The following CSMD1 variants were observed in gnomAD, a reference collection of about 807,000 sequenced individuals.
The protein encoded by CSMD1 is CUB and Sushi multiple domains 1.
CSMD1 carries 213 observed loss-of-function variants against 417.5 expected under a neutral mutation model. That is an observed-to-expected ratio of 0.51 (90% CI 0.46 to 0.57). The LOEUF is 0.57. Ranked by LOEUF, CSMD1 falls within the 20% of genes least tolerant of loss-of-function variation. The probability of loss-of-function intolerance (pLI) is 0.00; values close to 1 mark genes in which losing one functional copy is unlikely to be tolerated. For missense variants in CSMD1, 6,923 were observed against 4,529.7 expected, an observed-to-expected ratio of 1.53 and a Z score of -15.17; for synonymous variants, 2,862 against 1,736.8, an observed-to-expected ratio of 1.65 and a Z score of -16.11.
chr8:4,794,543 C>T lies in CSMD1; in HGVS notation c.86-156985G>A, dbSNP rs541823993. On this transcript the variant is annotated intron_variant, in intron 1 of 69. Coordinates refer to ENST00000635120, the MANE Select transcript of CSMD1 (RefSeq NM_033225.6). ...CTCCATCTCTGCCTGACTCTCCCTCCCCCACGTCCACCTATGTGCTGAGAG... is the reference window on the plus strand; with the variant it reads ...CTCCATCTCTGCCTGACTCTCCCTCTCCCACGTCCACCTATGTGCTGAGAG... Among the ~76,000 whole-genome samples, 47 of 152,234 alleles carry T rather than the reference C, an allele frequency of 3.1e-4. No individual in the cohort carries two copies. In the South Asian group the frequency reaches 8.9e-3, roughly 29 times the overall value.
rs62479694 is a variant in CSMD1, at chr8:3,766,848, A to T, written c.819-12806T>A. On this transcript the variant is annotated intron_variant, in intron 5 of 69. Coordinates refer to ENST00000635120, the MANE Select transcript of CSMD1 (RefSeq NM_033225.6). ...TCCAAGAGCCTGAAATGAGTCTACCATTTTCTTTTTTCTAGCAAATTTCTT... is the reference window on the plus strand; with the variant it reads ...TCCAAGAGCCTGAAATGAGTCTACCTTTTTCTTTTTTCTAGCAAATTTCTT... Among the ~76,000 whole-genome samples, 472 of 152,118 alleles carry T rather than the reference A, an allele frequency of 3.1e-3. 2 individuals carry two copies. The highest frequency in any genetic ancestry group is 3.4e-3 in the Non-Finnish European group (233 of 67,998).
chr8:4,052,889 G>C (rs1798505129), intron 3 of CSMD1, among the ~76,000 whole-genome samples: 1 of 152,216 alleles, frequency 6.6e-6, no homozygotes, highest in East Asian at 1.9e-4. Context: ...GTAGTCCATA[G>C]ACCACAATGC....
intron 3 of CSMD1, among the ~76,000 whole-genome samples, chr8:4,213,823 A>AAG (rs1329928228): frequency 2.0e-5 from 3 of 152,050 alleles, no homozygotes; most frequent in South Asian, 2.1e-4. Context: ...AAGATAAGAA[A>AAG]AGAGACAGTT....
intron 57 of CSMD1, among the ~76,000 whole-genome samples, chr8:2,970,707 C>T (rs1242374032): frequency 6.6e-6 from 1 of 152,154 alleles, no homozygotes; most frequent in East Asian, 1.9e-4. Flanking sequence ...AGAATCAGGT[C>T]TAGAGCCAAA....
chr8:3,694,012 G>C (rs983566098), intron 7 of CSMD1, among the ~76,000 whole-genome samples: 8 of 140,094 alleles, frequency 5.7e-5, no homozygotes, highest in African/African-American at 8.1e-5. Flanking sequence ...GTGTGTGTTG[G>C]GGTATTATGT....
chr8:4,142,194 G>A (rs1803832626), intron 3 of CSMD1, among the ~76,000 whole-genome samples: 1 of 151,188 alleles, frequency 6.6e-6, no homozygotes, highest in East Asian at 1.9e-4. Context: ...ATAATCACCA[G>A]ATTAAAACAT....
rs187881915 is a variant in CSMD1, at chr8:4,801,573, T to C, written c.86-164015A>G. ...TTTCTATTAATTTAACTCTTTTGCA[T>C]ATCTCAATCATCTCAGTTAGTGAGC... On this transcript the variant is annotated intron_variant, in intron 1 of 69. Coordinates refer to ENST00000635120, the MANE Select transcript of CSMD1 (RefSeq NM_033225.6). 7.2e-5 allele frequency among the ~76,000 whole-genome samples: 11 copies of C among 152,294 alleles called. No individual in the cohort carries two copies. The East Asian group carries it at 1.9e-3, about 27-fold the overall frequency.
intron 23 of CSMD1, among the ~76,000 whole-genome samples, chr8:3,317,255 G>A (rs927991162): frequency 6.6e-6 from 1 of 152,064 alleles, no homozygotes; most frequent in East Asian, 2.0e-4. Context: ...CACCTGTTAT[G>A]AAATAATTAA....
At chr8:4,248,662 C>G (rs1420160110) in intron 3 of CSMD1, among the ~76,000 whole-genome samples, 1 of 152,146 alleles carries the variant, frequency 6.6e-6, no homozygotes, top group African/African-American at 2.4e-5. Context: ...GACCACCCAC[C>G]ATCAGCCTCC....
intron 10 of CSMD1, among the ~76,000 whole-genome samples, chr8:3,522,835 T>G (rs768640544): frequency 4.2e-4 from 64 of 150,738 alleles, no homozygotes; most frequent in Admixed American, 1.3e-3. Flanking sequence ...GACATATAAT[T>G]TGTTAGATAT....
intron 5 of CSMD1, among the ~76,000 whole-genome samples, chr8:3,860,696 T>A (rs1804641293): frequency 6.6e-6 from 1 of 152,208 alleles, no homozygotes; most frequent in Non-Finnish European, 1.5e-5. Context: ...CAGAACTTTG[T>A]AAGATGAACT....
chr8:3,495,127 T>G (rs996286490), intron 10 of CSMD1, among the ~76,000 whole-genome samples: 2 of 152,264 alleles, frequency 1.3e-5, no homozygotes, highest in African/African-American at 4.8e-5. Context: ...TCATTTGAAA[T>G]AGGTGTCGAG....
intron 15 of CSMD1, among the ~76,000 whole-genome samples, chr8:3,401,146 A>G (rs1363545838): frequency 6.6e-6 from 1 of 151,940 alleles, no homozygotes; most frequent in African/African-American, 2.4e-5. Flanking sequence ...TATAACTTTT[A>G]TTTTGTCATG....
At chr8:3,251,346 T>A (rs903214898) in intron 26 of CSMD1, among the ~76,000 whole-genome samples, 1 of 152,206 alleles carries the variant, frequency 6.6e-6, no homozygotes, top group Non-Finnish European at 1.5e-5. Context: ...CTTGTTTTTG[T>A]CAGGTTTGTC....
At chr8:3,704,931 T>C (rs189396602) in intron 7 of CSMD1, 1 of 152,326 alleles carries the variant, frequency 6.6e-6, no homozygotes, top group Admixed American at 6.5e-5. Flanking sequence ...AGGGCATGGA[T>C]TTCTTGCTTT....
chr8:4,828,919 A>C (rs1183262325), intron 1 of CSMD1, among the ~76,000 whole-genome samples: 1 of 152,202 alleles, frequency 6.6e-6, no homozygotes, highest in Non-Finnish European at 1.5e-5. Flanking sequence ...GTGTTCATAA[A>C]GGTTAATTAA....
At chr8:3,806,524 G>C (rs1447197316) in intron 5 of CSMD1, among the ~76,000 whole-genome samples, 2 of 152,112 alleles carry the variant, frequency 1.3e-5, no homozygotes, top group Non-Finnish European at 2.9e-5. Flanking sequence ...TCTGTGCTTT[G>C]AGGCATATTC....
chr8:3,443,342 G>C (rs958079776), intron 12 of CSMD1, among the ~76,000 whole-genome samples: 4 of 152,152 alleles, frequency 2.6e-5, no homozygotes, highest in East Asian at 3.9e-4. Flanking sequence ...AGGAGAGAGA[G>C]AGAAAGAGAA....
At chr8:3,488,667 T>C (rs979935460) in intron 11 of CSMD1, among the ~76,000 whole-genome samples, 1 of 152,144 alleles carries the variant, frequency 6.6e-6, no homozygotes, top group Non-Finnish European at 1.5e-5. Flanking sequence ...TGGCATTCAA[T>C]AAATAATTAT....
Sources: allele counts gnomAD v4.1 joint callset (sites outside exome capture counted in the v4.1 genomes callset), GRCh38; gene constraint gnomAD v4.1.1; transcripts MANE v1.5; gene names NCBI Gene and HGNC (gene_info 2026-07-23, HGNC 2026-07-21).